The following UNKL variants were observed in gnomAD, a reference collection of about 807,000 sequenced individuals.
The protein encoded by UNKL is putative E3 ubiquitin-protein ligase UNKL.
UNKL carries 60 observed loss-of-function variants against 78.0 expected under a neutral mutation model. The ratio of observed to expected loss-of-function variants is 0.77; its 90% CI spans 0.63 to 0.95. The LOEUF is 0.95. Among genes scored for constraint, UNKL ranks in the 40% least tolerant of loss-of-function variants. The pLI is 0.00. For synonymous variants in UNKL, 608 were observed against 474.8 expected (o/e 1.28, Z -3.65); for missense variants, 1,159 against 1,045.7 (o/e 1.11, Z -1.49).
Position 1,403,386 on chromosome 16 carries a change from C to T in UNKL, c.288-42G>A. The T allele has an allele frequency of 6.3e-7, 1 of 1,586,374 alleles. No individual in the cohort carries two copies. The highest frequency in any genetic ancestry group is 1.2e-5 in the South Asian group (1 of 85,536). On this transcript the variant is annotated intron_variant, in intron 2 of 14. Transcript: ENST00000389221. The surrounding 1 kb of genome is among the most constrained non-coding windows in gnomAD (Gnocchi z 4.8). ...CACGCAATGCCTGGTTATCATGGAC[C>T]CAGAGGCAGCCCTAAGCTCCCTGGG...
Position 1,414,699 on chromosome 16 carries a change from C to G in UNKL, c.-8G>C, listed in dbSNP as rs1567247114. 8.9e-7 allele frequency: 1 copy of G among 1,125,374 alleles called. No individual in the cohort carries two copies. Among genetic ancestry groups the G allele is most frequent in the Non-Finnish European group, 1.1e-6 (1 of 909,994 alleles). 69.7% of individuals were successfully genotyped at this position (1,125,374 alleles called of 1,614,324 possible). ...TTTCGAAACCGACGGCATTTTCAGT[C>G]AAAACAATGCAGCGCGCATGCGCCG... On this transcript the variant is annotated 5_prime_UTR_variant, in exon 1 of 15. Coordinates refer to ENST00000389221, the MANE Select transcript of UNKL (RefSeq NM_001372107.1).
chr16:1,401,525 C>G (rs1275119513), intron 4 of UNKL, 43 bp downstream of exon 4: 36 of 1,421,986 alleles, frequency 2.5e-5, no homozygotes, highest in Non-Finnish European at 3.1e-5. Flanking sequence ...CGCGCTGTGC[C>G]CGCCCCCCCC....
chr16:1,379,709 C>A, intron 10 of UNKL: 1 of 982,024 alleles, frequency 1.0e-6, no homozygotes, highest in Non-Finnish European at 1.2e-6. Flanking sequence ...GCCCCCTCCG[C>A]GCTGGCCCCG....
chr16:1,398,616 CACAG>C, intron 5 of UNKL: 1 of 1,427,980 alleles, frequency 7.0e-7, no homozygotes, highest in Non-Finnish European at 9.1e-7. Context: ...AAGAGCTGGA[CACAG>C]ACAGGGCCTC....
intron 4 of UNKL, among the ~76,000 whole-genome samples, chr16:1,400,534 G>A (rs1215171513): frequency 1.3e-5 from 2 of 151,882 alleles, no homozygotes; most frequent in Non-Finnish European, 2.9e-5. Flanking sequence ...GACCAGGGAG[G>A]GGATGGGGAG....
chr16:1,394,238 G>C (rs1302694811), intron 6 of UNKL, 23 bp from the exon 7 acceptor site: 1 of 1,550,026 alleles, frequency 6.5e-7, no homozygotes, highest in Admixed American at 2.0e-5. Context: ...GTGAAATAAA[G>C]AGGTTGGATT....
At chr16:1,396,225 G>A (rs925576849) in intron 6 of UNKL, among the ~76,000 whole-genome samples, 14 of 151,110 alleles carry the variant, frequency 9.3e-5, no homozygotes, top group African/African-American at 2.9e-4. Flanking sequence ...TACAGTGTGA[G>A]CCACCGTGCC....
intron 7 of UNKL, among the ~76,000 whole-genome samples, chr16:1,393,424 C>T (rs575619066): frequency 1.1e-4 from 17 of 150,376 alleles, no homozygotes; most frequent in Non-Finnish European, 1.9e-4. Flanking sequence ...CCAGGGCTGC[C>T]AGGAAACCCA....
At chr16:1,389,642 G>A (rs934075151) in intron 9 of UNKL, among the ~76,000 whole-genome samples, 6 of 152,068 alleles carry the variant, frequency 3.9e-5, no homozygotes, top group Non-Finnish European at 7.4e-5. Flanking sequence ...AGGGCCCTAC[G>A]CAGCCACTGT....
At chr16:1,376,283 G>A (rs1371470154) in intron 10 of UNKL, among the ~76,000 whole-genome samples, 1 of 136,112 alleles carries the variant, frequency 7.3e-6, no homozygotes, top group South Asian at 2.4e-4. Context: ...GCTGGGGCAC[G>A]CTCCTCCTCC....
intron 10 of UNKL, among the ~76,000 whole-genome samples, chr16:1,376,939 G>A (rs1044272663): frequency 3.9e-5 from 6 of 152,080 alleles, no homozygotes; most frequent in Non-Finnish European, 5.9e-5. Context: ...AGCGAACCCT[G>A]GGATAAGAGG....
chr16:1,368,044 G>A, intron 12 of UNKL, 186 bp from the exon 13 acceptor site: 1 of 611,222 alleles, frequency 1.6e-6, no homozygotes, highest in South Asian at 2.0e-5. Context: ...CTCAGGAAGA[G>A]GCGCTGACAG....
In UNKL at chr16:1,367,559, C is replaced by CCTCG. The variant is rs2035400331; in HGVS notation, c.1788+96_1788+97insCGAG. On this transcript the variant is annotated intron_variant, in intron 13 of 14. Coordinates refer to ENST00000389221, the MANE Select transcript of UNKL (RefSeq NM_001372107.1). The stretch of plus-strand genomic sequence containing the variant: ...CACGCTCACCTGAGTCACCTGCGGC[C>CCTCG]CTCCCTCCCTCCCCTCCCATCTCAC... 8.2e-6 allele frequency: 4 copies of CCTCG among 490,132 alleles called. 1 individual carries two copies. The South Asian group carries it at 9.0e-5, about 11-fold the overall frequency. The allele number at this position is 490,132 out of a possible 1,614,324, so 30.4% of individuals were successfully genotyped here.
chr16:1,368,042 G>A (rs2035453453), intron 12 of UNKL, 184 bp from the exon 13 acceptor site: 6 of 615,662 alleles, frequency 9.7e-6, no homozygotes, highest in East Asian at 2.8e-5. Flanking sequence ...GGCTCAGGAA[G>A]AGGCGCTGAC....
At chr16:1,401,523 G>GACC in intron 4 of UNKL, 45 bp downstream of exon 4, 1 of 1,470,348 alleles carries the variant, frequency 6.8e-7, no homozygotes, top group South Asian at 1.4e-5. Flanking sequence ...CTCGCGCTGT[G>GACC]CCCGCCCCCC....
chr16:1,370,761 T>C (rs996911500), intron 11 of UNKL, among the ~76,000 whole-genome samples: 3 of 152,152 alleles, frequency 2.0e-5, no homozygotes, highest in Non-Finnish European at 4.4e-5. Context: ...TTAGGCTGAA[T>C]GAAAAGATGT....
At chr16:1,396,600 CT>C (rs1280541074) in intron 6 of UNKL, among the ~76,000 whole-genome samples, 1 of 151,566 alleles carries the variant, frequency 6.6e-6, no homozygotes, top group African/African-American at 2.4e-5. Flanking sequence ...TTTTCTTTTT[CT>C]TTTTTTTCCT....
At chr16:1,370,399 C>A in intron 11 of UNKL, 42 bp from the exon 12 acceptor site, 1 of 1,525,646 alleles carries the variant, frequency 6.6e-7, no homozygotes, top group African/African-American at 1.4e-5. Flanking sequence ...TACCGCCAGG[C>A]CTCTGCCCAA....
intron 12 of UNKL, chr16:1,368,098 C>T (rs953501176): frequency 5.2e-6 from 3 of 572,850 alleles, no homozygotes; most frequent in African/African-American, 3.8e-5. Context: ...CTACGCCTTC[C>T]TGGCCACCTG....
Sources: gnomAD v4.1 joint callset for allele counts (sites outside exome capture counted in the v4.1 genomes callset) on GRCh38, gnomAD v4.1.1 for gene constraint, Gnocchi (gnomAD v3.1) non-coding constraint, MANE v1.5 for transcripts, NCBI Gene and HGNC (gene_info 2026-07-23, HGNC 2026-07-21) for gene names.